The following NCAM1 variants were observed in gnomAD, a reference collection of about 807,000 sequenced individuals.
NCAM1 encodes the protein antigen recognized by monoclonal antibody 5.1H11.
A neutral mutation model predicts 109.8 loss-of-function variants in NCAM1; 14 were observed. The observed-to-expected ratio is 0.13, with a 90% CI of 0.08 to 0.20. The LOEUF (loss-of-function observed/expected upper bound fraction) is 0.20, where lower values mean the gene tolerates loss of function less well. Among genes scored for constraint, NCAM1 ranks in the 10% least tolerant of loss-of-function variants. The pLI is 1.00. For missense variants in NCAM1, 774 were observed against 1,109.9 expected, an observed-to-expected ratio of 0.70 and a Z score of 4.30; for synonymous variants, 418 against 442.9, an observed-to-expected ratio of 0.94 and a Z score of 0.70.
chr11:113,142,139 G>A (rs953390418), intron 1 of NCAM1, among the ~76,000 whole-genome samples: 20 of 152,164 alleles, frequency 1.3e-4, no homozygotes, highest in African/African-American at 4.3e-4. Flanking sequence ...AACAGGCTTA[G>A]TACTAGGCTC....
intron 9 of NCAM1, among the ~76,000 whole-genome samples, chr11:113,222,239 A>G (rs1555115470): frequency 2.0e-5 from 3 of 152,262 alleles, no homozygotes; most frequent in Non-Finnish European, 4.4e-5. Context: ...AATGCAGAAC[A>G]TCATGATCCT....
Position 112,962,327 on chromosome 11 carries a change from G to A in NCAM1, c.52+663G>A, listed in dbSNP as rs1950587828. The stretch of plus-strand genomic sequence containing the variant: ...TGCCAAATTGCTGGTTAGTTGCAAA[G>A]CCTACCCTCGGCCGCGAGCACTGAA... On this transcript the variant is annotated intron_variant, in intron 1 of 19. Transcript: ENST00000316851. The surrounding 1 kb of genome is among the most constrained non-coding windows in gnomAD (Gnocchi z 5.6). 6.6e-6 allele frequency among the ~76,000 whole-genome samples: 1 copy of A among 152,176 alleles called. No homozygotes were observed. Among genetic ancestry groups the A allele is most frequent in the African/African-American group, 2.4e-5 (1 of 41,462 alleles).
chr11:113,157,740 A>G (rs1555103710), intron 1 of NCAM1, among the ~76,000 whole-genome samples: 1 of 152,160 alleles, frequency 6.6e-6, no homozygotes, highest in African/African-American at 2.4e-5. Flanking sequence ...TTTTATGAAA[A>G]ACCAATAAAT....
At chr11:112,998,162 A>G (rs1028845111) in intron 1 of NCAM1, among the ~76,000 whole-genome samples, 15 of 152,338 alleles carry the variant, frequency 9.8e-5, no homozygotes, top group Non-Finnish European at 1.5e-5. Context: ...TTAGTGGCCA[A>G]CAAGAACTTT....
At chr11:113,265,203 C>T (rs923236790) in intron 17 of NCAM1, 39 of 978,550 alleles carry the variant, frequency 4.0e-5, no homozygotes, top group Non-Finnish European at 4.1e-5. Flanking sequence ...GTGAACTCAC[C>T]AGCGTGGCTT....
Position 113,002,799 on chromosome 11 carries a change from C to T in NCAM1, c.52+41135C>T, listed in dbSNP as rs532651776. The stretch of plus-strand genomic sequence containing the variant: ...GCAAAGGGAAAGTCAAGTGAAATTT[C>T]CTGGAAGTCTCATGTTTTATCTTAA... On this transcript the variant is annotated intron_variant, in intron 1 of 19. Transcript: ENST00000316851. Among the ~76,000 whole-genome samples the T allele has an allele frequency of 2.6e-5, 4 of 152,276 alleles. No homozygotes were observed. In the South Asian group the frequency reaches 8.3e-4, roughly 32 times the overall value.
chr11:113,215,903 G>A (rs548305907), intron 8 of NCAM1, among the ~76,000 whole-genome samples: 1 of 152,206 alleles, frequency 6.6e-6, no homozygotes, highest in African/African-American at 2.4e-5. Context: ...CCACAAGGCT[G>A]CTGCTTGGCA....
At chr11:113,071,579 T>C (rs1938266882) in intron 1 of NCAM1, among the ~76,000 whole-genome samples, 1 of 151,954 alleles carries the variant, frequency 6.6e-6, no homozygotes, top group Non-Finnish European at 1.5e-5. Context: ...GCGCCTGCCA[T>C]GGCACCCGGC....
At chr11:113,046,308 C>A (rs1352141282) in intron 1 of NCAM1, among the ~76,000 whole-genome samples, 1 of 152,154 alleles carries the variant, frequency 6.6e-6, no homozygotes, top group African/African-American at 2.4e-5. Flanking sequence ...AAGCACAGAG[C>A]TCGTAAGAGA....
intron 1 of NCAM1, chr11:113,133,904 A>C (rs1555098841): frequency 6.6e-6 from 1 of 152,192 alleles, no homozygotes; most frequent in African/African-American, 2.4e-5. Flanking sequence ...TTCTTTGCCA[A>C]ATGAGAAAAT....
Position 113,273,080 on chromosome 11 carries a change from C to T in NCAM1, c.2456+1204C>T. The T allele has an allele frequency of 4.4e-6, 2 of 456,774 alleles. No individual in the cohort carries two copies. Among genetic ancestry groups the T allele is most frequent in the South Asian group, 3.1e-5 (2 of 64,552 alleles). The allele number at this position is 456,774 out of a possible 1,614,324, so 28.3% of individuals were successfully genotyped here. A position where few individuals can be genotyped will look rare whatever the true frequency, so the allele number is the denominator to read the frequency against. The stretch of plus-strand genomic sequence containing the variant: ...CCACCACCCTGACCTCCAGTATTGC[C>T]CCGCCGGCCACGGCCACGCCTGACT... On this transcript the variant is annotated intron_variant, in intron 19 of 19. Coordinates refer to ENST00000316851, the MANE Select transcript of NCAM1 (RefSeq NM_181351.5). This position sits in a 1 kb window ranked among gnomAD's most constrained non-coding sequence, Gnocchi z 6.0.
At chr11:113,272,104 G>A (rs1946295727) in intron 19 of NCAM1, among the ~76,000 whole-genome samples, 1 of 151,626 alleles carries the variant, frequency 6.6e-6, no homozygotes, top group Admixed American at 6.5e-5. Flanking sequence ...TCCTGTATAA[G>A]TAGGGATCCC....
At chr11:113,180,610 C>T (rs1349655765) in intron 1 of NCAM1, among the ~76,000 whole-genome samples, 1 of 152,232 alleles carries the variant, frequency 6.6e-6, no homozygotes, top group African/African-American at 2.4e-5. Context: ...CTTCCTGTAG[C>T]ACTAAGTTTT....
intron 1 of NCAM1, among the ~76,000 whole-genome samples, chr11:113,110,931 C>T (rs1268833797): frequency 6.6e-6 from 1 of 152,122 alleles, no homozygotes; most frequent in Non-Finnish European, 1.5e-5. Context: ...AATTCTAGTG[C>T]TAAATTTTAC....
At position 113,273,400 on chromosome 11, in the gene NCAM1, C is replaced by T. The variant is rs898071956; in HGVS notation, c.2456+1524C>T. 12 of 328,426 alleles carry T rather than the reference C, an allele frequency of 3.7e-5. No homozygotes were observed. The highest frequency in any genetic ancestry group is 9.5e-5 in the South Asian group (4 of 42,114). The allele number at this position is 328,426 out of a possible 1,614,324, so 20.3% of individuals were successfully genotyped here. On this transcript the variant is annotated intron_variant, in intron 19 of 19. Coordinates refer to ENST00000316851, the MANE Select transcript of NCAM1 (RefSeq NM_181351.5). The surrounding 1 kb of genome is among the most constrained non-coding windows in gnomAD (Gnocchi z 6.0). The stretch of plus-strand genomic sequence containing the variant: ...GGGGCAGCCAGTCCTCTAGCAGCAG[C>T]GGCTGCCCCTGCCACAGAAGCCCCT...
chr11:112,998,615 T>G (rs1423087059), intron 1 of NCAM1, among the ~76,000 whole-genome samples: 1 of 152,066 alleles, frequency 6.6e-6, no homozygotes, highest in Non-Finnish European at 1.5e-5. Context: ...TCACTGCCAT[T>G]TAAAATACAA....
intron 1 of NCAM1, among the ~76,000 whole-genome samples, chr11:113,115,879 A>G (rs1347088867): frequency 1.3e-5 from 2 of 152,234 alleles, no homozygotes; most frequent in African/African-American, 4.8e-5. Flanking sequence ...TACACATGAC[A>G]TAAAACTTGC....
chr11:113,169,683 A>G (rs994631752), intron 1 of NCAM1, among the ~76,000 whole-genome samples: 2 of 145,474 alleles, frequency 1.4e-5, no homozygotes, highest in Non-Finnish European at 3.0e-5. Context: ...GCTGGAGTGC[A>G]GTGTTGCGAT....
At position 113,277,093 on chromosome 11, in the gene NCAM1, AGAT is replaced by A. The variant is rs527451873; in HGVS notation, c.*1724_*1726del. The A allele has an allele frequency of 3.4e-4, 127 of 373,610 alleles. No individual in the cohort carries two copies. The highest frequency in any genetic ancestry group is 8.7e-4 in the Admixed American group (19 of 21,930). The allele number at this position is 373,610 out of a possible 1,614,324, so 23.1% of individuals were successfully genotyped here. A position where few individuals can be genotyped will look rare whatever the true frequency, so the allele number is the denominator to read the frequency against. Reference sequence around the variant, plus strand: ...CCTTTTAACAAAGAAAATGAAATACAGATGATGATGATGATGATGAAGATGATG... The same window carrying A: ...CCTTTTAACAAAGAAAATGAAATACAGATGATGATGATGATGAAGATGATG... On this transcript the variant is annotated 3_prime_UTR_variant, in exon 20 of 20. Coordinates refer to ENST00000316851, the MANE Select transcript of NCAM1 (RefSeq NM_181351.5).
Sources: allele counts gnomAD v4.1 joint callset (sites outside exome capture counted in the v4.1 genomes callset), GRCh38; gene constraint gnomAD v4.1.1; non-coding constraint Gnocchi (gnomAD v3.1); transcripts MANE v1.5; gene names NCBI Gene and HGNC (gene_info 2026-07-23, HGNC 2026-07-21).